Variants in AGBL1 observed in about 807,000 individuals in gnomAD.
AGBL1 encodes the protein cytosolic carboxypeptidase 4.
In AGBL1, 130 loss-of-function variants were observed where a neutral mutation model predicts 118.9. That is an observed-to-expected ratio of 1.09 (90% confidence interval 0.95 to 1.26). AGBL1 has a LOEUF of 1.26. Among genes scored for constraint, AGBL1 ranks in the 50% most tolerant of loss-of-function variants. AGBL1 has a pLI of 0.00. For missense variants in AGBL1, 1,584 were observed against 1,298.1 expected (o/e 1.22, Z -3.38); for synonymous variants, 555 against 478.9 (o/e 1.16, Z -2.08).
At chr15:86,273,402 A>G (rs2079192969) in intron 15 of AGBL1, among the ~76,000 whole-genome samples, 1 of 152,226 alleles carries the variant, frequency 6.6e-6, no homozygotes, top group South Asian at 2.1e-4. Flanking sequence ...ACAGAGATGA[A>G]TGGATAAGAT....
chr15:86,867,943 A>C (rs57034586), intron 22 of AGBL1, among the ~76,000 whole-genome samples: 2,220 of 152,324 alleles, frequency 0.015, 60 homozygotes, highest in African/African-American at 0.05. Context: ...AGGAAATAGC[A>C]ATCGTTACAG....
intron 17 of AGBL1, among the ~76,000 whole-genome samples, chr15:86,351,607 C>T (rs1326104962): frequency 6.6e-6 from 1 of 152,138 alleles, no homozygotes; most frequent in African/African-American, 2.4e-5. Context: ...GAAGACCCAG[C>T]TTTCATTACT....
At position 86,914,591 on chromosome 15, in the gene AGBL1, G is replaced by C. The variant is rs544258461; in HGVS notation, c.*7297G>C. On this transcript the variant is annotated 3_prime_UTR_variant, in exon 23 of 23. Transcript: ENST00000614907. ...GTATCTATAATAGTCTAAGACCATC[G>C]CAGGTGTCATCATGTTTAAGCCTAA... is the stretch of plus-strand genomic sequence containing the variant. 3.9e-5 allele frequency: 6 copies of C among 152,118 alleles called. No individual in the cohort carries two copies. The highest frequency in any genetic ancestry group is 3.9e-4 in the Admixed American group (6 of 15,270). The allele number at this position is 152,118 out of a possible 1,614,324, so 9.4% of individuals were successfully genotyped here. A position where few individuals can be genotyped will look rare whatever the true frequency, so the allele number is the denominator to read the frequency against.
chr15:87,012,661 AC>A (rs1447706194), intron 24 of AGBL1, among the ~76,000 whole-genome samples: 2 of 152,076 alleles, frequency 1.3e-5, no homozygotes, highest in African/African-American at 4.8e-5. Flanking sequence ...AGGAGGAGCC[AC>A]TTTTAAATCT....
chr15:86,797,270 C>T (rs769734840), intron 22 of AGBL1, among the ~76,000 whole-genome samples: 8 of 152,196 alleles, frequency 5.3e-5, no homozygotes, highest in Non-Finnish European at 7.3e-5. Context: ...TGGGTATGCA[C>T]GCTGGAGCTC....
At chr15:86,822,715 G>T (rs1186530222) in intron 22 of AGBL1, among the ~76,000 whole-genome samples, 4 of 152,096 alleles carry the variant, frequency 2.6e-5, no homozygotes, top group Non-Finnish European at 5.9e-5. Context: ...ATCTAACAGG[G>T]ACTTACAACA....
intron 17 of AGBL1, among the ~76,000 whole-genome samples, chr15:86,338,777 T>C (rs1459403088): frequency 6.6e-6 from 1 of 152,190 alleles, no homozygotes; most frequent in Non-Finnish European, 1.5e-5. Flanking sequence ...TTCTCAGTCA[T>C]CCACGTAAAG....
At chr15:86,196,959 G>C (rs1348118166) in intron 5 of AGBL1, among the ~76,000 whole-genome samples, 1 of 150,586 alleles carries the variant, frequency 6.6e-6, no homozygotes, top group African/African-American at 2.5e-5. Flanking sequence ...TGAGAAGGCA[G>C]CTAAACGCAA....
At chr15:86,554,683 A>G (rs2083708474) in intron 21 of AGBL1, 146 bp downstream of exon 21, 1 of 770,026 alleles carries the variant, frequency 1.3e-6, no homozygotes. Context: ...AACGGGTTCA[A>G]CAATTGCTTT....
intron 17 of AGBL1, among the ~76,000 whole-genome samples, chr15:86,356,235 A>C (rs2080715963): frequency 6.6e-6 from 1 of 152,174 alleles, no homozygotes; most frequent in Admixed American, 6.5e-5. Context: ...AGAGGTTAAA[A>C]ATAGAATGGC....
chr15:86,414,704 G>T (rs1342971613), intron 18 of AGBL1, among the ~76,000 whole-genome samples: 5 of 152,100 alleles, frequency 3.3e-5, no homozygotes, highest in Non-Finnish European at 7.4e-5. Context: ...ATTTGAACAG[G>T]GTCACATTTG....
chr15:86,101,556 T>C (rs1044807682), intron 1 of AGBL1, among the ~76,000 whole-genome samples: 4 of 152,178 alleles, frequency 2.6e-5, no homozygotes, highest in Non-Finnish European at 5.9e-5. Flanking sequence ...GCTCTGGTGT[T>C]GAGTGCAGTT....
chr15:86,345,603 C>T (rs1337644686), intron 17 of AGBL1, among the ~76,000 whole-genome samples: 2 of 152,134 alleles, frequency 1.3e-5, no homozygotes, highest in Non-Finnish European at 2.9e-5. Flanking sequence ...CCAGGAGTTG[C>T]AGGGGAAAGG....
At chr15:86,536,555 C>T (rs540943803) in intron 19 of AGBL1, among the ~76,000 whole-genome samples, 12 of 152,220 alleles carry the variant, frequency 7.9e-5, no homozygotes, top group Admixed American at 4.6e-4. Context: ...ATGATCTGCC[C>T]GCCTCGGCCT....
intron 22 of AGBL1, among the ~76,000 whole-genome samples, chr15:86,882,554 T>C (rs967349735): frequency 6.6e-6 from 1 of 152,198 alleles, no homozygotes. Flanking sequence ...ATATAAAATT[T>C]AGATATATTA....
intron 22 of AGBL1, among the ~76,000 whole-genome samples, chr15:86,752,409 A>G (rs567517963): frequency 1.3e-5 from 2 of 152,264 alleles, no homozygotes; most frequent in East Asian, 3.9e-4. Flanking sequence ...GATTTTAAAG[A>G]CAAAGCCATT....
intron 22 of AGBL1, among the ~76,000 whole-genome samples, chr15:86,714,925 G>T (rs573306451): frequency 6.6e-6 from 1 of 152,270 alleles, no homozygotes; most frequent in South Asian, 2.1e-4. Context: ...ATTTTAAGTG[G>T]TGTGCTCACC....
intron 22 of AGBL1, among the ~76,000 whole-genome samples, chr15:86,834,564 A>C (rs2079146882): frequency 6.6e-6 from 1 of 152,218 alleles, no homozygotes; most frequent in Admixed American, 6.5e-5. Flanking sequence ...TGGAATAGTA[A>C]GAGGGCATGT....
intron 21 of AGBL1, among the ~76,000 whole-genome samples, chr15:86,646,411 T>C (rs563120612): frequency 6.6e-6 from 1 of 152,208 alleles, no homozygotes; most frequent in South Asian, 2.1e-4. Flanking sequence ...TGCTTTCCAG[T>C]CTCATTTATC....
Sources: allele counts gnomAD v4.1 joint callset (sites outside exome capture counted in the v4.1 genomes callset), GRCh38; gene constraint gnomAD v4.1.1; transcripts MANE v1.5; gene names NCBI Gene and HGNC (gene_info 2026-07-23, HGNC 2026-07-21).